SLC26A9: variants seen among roughly 807,000 people sequenced by gnomAD.
SLC26A9 encodes the protein solute carrier family 26 member 9.
SLC26A9 carries 46 observed loss-of-function variants against 87.1 expected under a neutral mutation model. The ratio of observed to expected loss-of-function variants is 0.53; its 90% confidence interval spans 0.42 to 0.67. The LOEUF is 0.67. Ranked by LOEUF, SLC26A9 falls within the 30% of genes least tolerant of loss-of-function variation. The pLI is 0.00. For missense variants in SLC26A9, 927 were observed against 1,018.3 expected, an observed-to-expected ratio of 0.91 and a Z score of 1.22; for synonymous variants, 437 against 409.1, an observed-to-expected ratio of 1.07 and a Z score of -0.82.
chr1:205,938,200 C>G (rs9438441), intron 1 of SLC26A9, among the ~76,000 whole-genome samples: 6 of 151,618 alleles, frequency 4.0e-5, no homozygotes, highest in African/African-American at 1.5e-4. Flanking sequence ...CTCTCCCTAC[C>G]CCTCAGCCTC....
chr1:205,934,413 T>G (rs1342029985), intron 2 of SLC26A9, among the ~76,000 whole-genome samples: 1 of 152,140 alleles, frequency 6.6e-6, no homozygotes, highest in Non-Finnish European at 1.5e-5. Flanking sequence ...GACTTATGAA[T>G]AGAGAGCTGG....
At chr1:205,916,890 C>T (rs188524001) in intron 20 of SLC26A9, among the ~76,000 whole-genome samples, 12 of 152,086 alleles carry the variant, frequency 7.9e-5, no homozygotes, top group Admixed American at 3.3e-4. Context: ...TGCTTGAGAT[C>T]GGAAGTTCGA....
rs148062343 is a variant in SLC26A9, at chr1:205,943,293, T to C, written c.-19+72A>G. On this transcript the variant is annotated intron_variant, in intron 1 of 20. Coordinates refer to ENST00000367135, the MANE Select transcript of SLC26A9 (RefSeq NM_052934.4). Reference sequence around the variant, plus strand: ...TGGTTCCTGTCATCCCTCCTCTCGGTACCCCTGGTGACTGCCCTCTTGCAG... The same window carrying C: ...TGGTTCCTGTCATCCCTCCTCTCGGCACCCCTGGTGACTGCCCTCTTGCAG... 5 of 152,346 alleles carry C rather than the reference T, an allele frequency of 3.3e-5. No individual in the cohort carries two copies. The East Asian group carries it at 9.7e-4, about 30-fold the overall frequency. The allele number at this position is 152,346 out of a possible 1,614,324, so 9.4% of individuals were successfully genotyped here.
chr1:205,940,582 C>CT (rs949586237), intron 1 of SLC26A9, among the ~76,000 whole-genome samples: 3 of 152,174 alleles, frequency 2.0e-5, no homozygotes, highest in African/African-American at 7.2e-5. Flanking sequence ...GGCACTCTGC[C>CT]TTTTTTTGGC....
chr1:205,915,160 C>CT lies in SLC26A9; in HGVS notation c.*196_*197insA, dbSNP rs1251223237. On this transcript the variant is annotated 3_prime_UTR_variant, in exon 21 of 21. Transcript: ENST00000367135. ...ACTCTCACTCCTGTAAGGGTAGCAC[C>CT]CCCCTGCTGCTGAGAGGCTCTCTCT... is the stretch of plus-strand genomic sequence containing the variant. 1.9e-6 allele frequency: 3 copies of CT among 1,612,668 alleles called. No homozygotes were observed. Among genetic ancestry groups the CT allele is most frequent in the South Asian group, 1.1e-5 (1 of 90,966 alleles).
intron 1 of SLC26A9, among the ~76,000 whole-genome samples, chr1:205,936,726 G>C (rs1659524655): frequency 6.6e-6 from 1 of 152,190 alleles, no homozygotes; most frequent in South Asian, 2.1e-4. Flanking sequence ...GGAAGGCTTA[G>C]AGTGAGGATT....
At chr1:205,928,175 C>T in intron 8 of SLC26A9, 126 bp from the exon 9 acceptor site, 1 of 1,162,944 alleles carries the variant, frequency 8.6e-7, no homozygotes, top group South Asian at 1.5e-5. Flanking sequence ...CTAAGTTATC[C>T]CATCCAGTCT....
chr1:205,918,938 T>C lies in SLC26A9; in HGVS notation c.2158A>G (p.Ser720Gly), dbSNP rs1315467518. ...GGAAAGACGTGCTTGCATTCTAGACTCCCATCCTCAAAGACGCCTCCATGG... is the reference window on the plus strand; with the variant it reads ...GGAAAGACGTGCTTGCATTCTAGACCCCCATCCTCAAAGACGCCTCCATGG... ...ISHGGVFEDG[S>G]LECKHVFPSI... Residue 720 changes from serine to glycine, a missense_variant, in exon 19 of 21, where the codon AGT (serine) becomes GGT (glycine). Ser to Gly is a moderately conservative substitution (Grantham distance 56). Coordinates refer to ENST00000367135, the MANE Select transcript of SLC26A9 (RefSeq NM_052934.4). 3 of 1,614,140 alleles carry C rather than the reference T, an allele frequency of 1.9e-6. No individual in the cohort carries two copies. The highest frequency in any genetic ancestry group is 1.6e-4 in the Middle Eastern group (1 of 6,062).
At chr1:205,937,684 C>T (rs1430352062) in intron 1 of SLC26A9, among the ~76,000 whole-genome samples, 1 of 152,192 alleles carries the variant, frequency 6.6e-6, no homozygotes, top group Non-Finnish European at 1.5e-5. Context: ...CGGCCCTTCA[C>T]CGCCCGTGAG....
intron 1 of SLC26A9, among the ~76,000 whole-genome samples, chr1:205,938,503 T>G (rs866715847): frequency 8.5e-5 from 13 of 152,226 alleles, no homozygotes; most frequent in South Asian, 6.2e-4. Context: ...GGCATTTTTG[T>G]TTTTTTATCC....
intron 17 of SLC26A9, 121 bp downstream of exon 17, chr1:205,921,445 T>C (rs1445931405): frequency 7.9e-7 from 1 of 1,267,420 alleles, no homozygotes; most frequent in African/African-American, 1.5e-5. Context: ...TAGGAGCTGT[T>C]AGTCTCCCCA....
In SLC26A9 at chr1:205,927,203, G is replaced by T; in HGVS notation, c.1293+8C>A. On this transcript the variant is annotated splice_region_variant and intron_variant, in intron 11 of 20. Transcript: ENST00000367135. ...TCGTTGACTTCTGCTCGATGGCTGG[G>T]CTCTTACCTTAGGGAGAGGATACAG... is the stretch of plus-strand genomic sequence containing the variant. 1 of 1,614,004 alleles carries T rather than the reference G, an allele frequency of 6.2e-7. No homozygotes were observed.
Position 205,915,203 on chromosome 1 carries a change from A to G in SLC26A9, c.*154T>C. ...CTCTCTCTGGAGATGCGGGGAGGGA[A>G]GGAAGGGAGGAGAGAGGGGGAGAGG... On this transcript the variant is annotated 3_prime_UTR_variant, in exon 21 of 21. Coordinates refer to ENST00000367135, the MANE Select transcript of SLC26A9 (RefSeq NM_052934.4). 1 of 1,609,338 alleles carries G rather than the reference A, an allele frequency of 6.2e-7. No homozygotes were observed.
chr1:205,925,457 G>C (rs192812481), intron 12 of SLC26A9, among the ~76,000 whole-genome samples: 1 of 152,176 alleles, frequency 6.6e-6, no homozygotes, highest in African/African-American at 2.4e-5. Context: ...AACAAAAGCC[G>C]CCATATGAAC....
At position 205,913,247 on chromosome 1, in the gene SLC26A9, C is replaced by A. The variant is rs932371326; in HGVS notation, c.*2110G>T. On this transcript the variant is annotated 3_prime_UTR_variant, in exon 21 of 21. Coordinates refer to ENST00000367135, the MANE Select transcript of SLC26A9 (RefSeq NM_052934.4). ...ATTTCACTACTTTGCCTCCATCTTT[C>A]CTGCTTCAACCAGGTCCAGAAGAGT... 1 of 152,234 alleles carries A rather than the reference C, an allele frequency of 6.6e-6. No homozygotes were observed. Among genetic ancestry groups the A allele is most frequent in the African/African-American group, 2.4e-5 (1 of 41,454 alleles). 9.4% of individuals were successfully genotyped at this position (152,234 alleles called of 1,614,324 possible). A position where few individuals can be genotyped will look rare whatever the true frequency, so the allele number is the denominator to read the frequency against.
intron 15 of SLC26A9, 37 bp from the exon 16 acceptor site, chr1:205,923,232 C>G: frequency 6.2e-7 from 1 of 1,612,042 alleles, no homozygotes; most frequent in Non-Finnish European, 8.5e-7. Flanking sequence ...TTGACCTCCA[C>G]CCTCTATGGG....
chr1:205,923,269 C>A, intron 15 of SLC26A9, 66 bp downstream of exon 15: 1 of 1,609,870 alleles, frequency 6.2e-7, no homozygotes, highest in African/African-American at 1.3e-5. Context: ...CTCCCACCGC[C>A]CTTCTGCTTC....
chr1:205,923,091 C>A lies in SLC26A9; in HGVS notation c.1764G>T (p.Met588Ile). Reference sequence around the variant, plus strand: ...TCTGGCCTTCATTCACCTTGGTTTTCATGAATAGAGACCTCCTCTGTTGTG... The same window carrying A: ...TCTGGCCTTCATTCACCTTGGTTTTAATGAATAGAGACCTCCTCTGTTGTG... ...RPTQQRRSLF[M>I]KTKTVSLQEL... Residue 588 changes from methionine to isoleucine, a missense_variant, in exon 16 of 21, where the codon ATG becomes ATT. Physicochemically the swap from Met to Ile is conservative, Grantham distance 10. Coordinates refer to ENST00000367135, the MANE Select transcript of SLC26A9 (RefSeq NM_052934.4). 1 of 1,614,026 alleles carries A rather than the reference C, an allele frequency of 6.2e-7. No homozygotes were observed. Among genetic ancestry groups the A allele is most frequent in the Non-Finnish European group, 8.5e-7 (1 of 1,179,970 alleles).
Position 205,927,972 on chromosome 1 carries a change from C to T in SLC26A9, c.1031G>A (p.Ser344Asn). ...IGTAFSLAIVSYVINLAMGRT... is the reference protein window; with the variant it reads ...IGTAFSLAIVNYVINLAMGRT... Reference sequence around the variant, plus strand: ...GCCCATAGCCAGGTTGATGACGTAGCTCACGATGGCTAGGGAGAAGGCTGT... The same window carrying T: ...GCCCATAGCCAGGTTGATGACGTAGTTCACGATGGCTAGGGAGAAGGCTGT... The change falls in exon 9 of 21, where the codon AGC becomes AAC. Residue 344 changes from serine (S) to asparagine (N), a missense_variant. Coordinates refer to ENST00000367135, the MANE Select transcript of SLC26A9 (RefSeq NM_052934.4). The T allele has an allele frequency of 6.2e-7, 1 of 1,614,192 alleles. No individual in the cohort carries two copies. The highest frequency in any genetic ancestry group is 8.5e-7 in the Non-Finnish European group (1 of 1,180,018).
Sources: gnomAD v4.1 joint callset for allele counts (sites outside exome capture counted in the v4.1 genomes callset) on GRCh38, gnomAD v4.1.1 for gene constraint, MANE v1.5 for transcripts, NCBI Gene and HGNC (gene_info 2026-07-23, HGNC 2026-07-21) for gene names.